Variants in TAF3 observed in about 807,000 individuals in gnomAD.
TAF3 encodes the protein TATA-box binding protein associated factor 3.
Under a neutral mutation model 80.6 loss-of-function variants are expected in TAF3, and 7 were observed. That is an observed-to-expected ratio of 0.09 (90% confidence interval 0.05 to 0.16). The LOEUF (loss-of-function observed/expected upper bound fraction) is 0.16. Among genes scored for constraint, TAF3 ranks in the 10% least tolerant of loss-of-function variants. The pLI, the probability that TAF3 is intolerant of heterozygous loss-of-function variation, is 1.00. For missense variants in TAF3, 921 were observed against 1,140.2 expected, an observed-to-expected ratio of 0.81 and a Z score of 2.77; for synonymous variants, 444 against 446.1, an observed-to-expected ratio of 1.00 and a Z score of 0.06.
intron 1 of TAF3, among the ~76,000 whole-genome samples, chr10:7,820,012 C>T (rs1278253206): frequency 6.6e-6 from 1 of 152,174 alleles, no homozygotes; most frequent in African/African-American, 2.4e-5. Flanking sequence ...ACACAGTTCC[C>T]TTTGTGAGCT....
chr10:7,931,111 A>G (rs1837865802), intron 2 of TAF3, among the ~76,000 whole-genome samples: 1 of 152,186 alleles, frequency 6.6e-6, no homozygotes. Context: ...TTTTTGCTTT[A>G]TTTAGATATT....
intron 2 of TAF3, among the ~76,000 whole-genome samples, chr10:7,893,725 C>G (rs1837479904): frequency 6.6e-6 from 1 of 152,168 alleles, no homozygotes; most frequent in Non-Finnish European, 1.5e-5. Flanking sequence ...CACCAAGGTT[C>G]CCTCTTTCCC....
chr10:8,002,772 G>A (rs1032968444), intron 4 of TAF3, among the ~76,000 whole-genome samples: 3 of 152,096 alleles, frequency 2.0e-5, no homozygotes, highest in African/African-American at 7.2e-5. Flanking sequence ...GTTATGCAGG[G>A]AGATAAATAT....
intron 3 of TAF3, among the ~76,000 whole-genome samples, 172 bp from the exon 4 acceptor site, chr10:7,977,069 A>G (rs2131419901): frequency 6.6e-6 from 1 of 152,352 alleles, no homozygotes; most frequent in South Asian, 2.1e-4. Context: ...TCATGATGCC[A>G]GGTAGCCTTC....
intron 5 of TAF3, among the ~76,000 whole-genome samples, chr10:8,012,616 TG>T (rs1194646559): frequency 1.3e-5 from 2 of 152,210 alleles, no homozygotes; most frequent in African/African-American, 4.8e-5. Context: ...GGGTGACTGC[TG>T]GTTCTCACCC....
chr10:7,871,435 C>CTGTTTTTTTTTTTTTTTTTTT (rs1837263856), intron 2 of TAF3, among the ~76,000 whole-genome samples: 2 of 69,116 alleles, frequency 2.9e-5, no homozygotes, highest in Non-Finnish European at 5.8e-5. Context: ...ATAACTGCTG[C>CTGTTTTTTTTTTTTTTTTTTT]TTTTTTTTTT....
intron 2 of TAF3, among the ~76,000 whole-genome samples, chr10:7,910,217 C>G (rs1194370105): frequency 6.6e-6 from 1 of 151,976 alleles, no homozygotes; most frequent in African/African-American, 2.4e-5. Context: ...ATACTGAGCA[C>G]TTAGTATTTG....
intron 4 of TAF3, among the ~76,000 whole-genome samples, chr10:7,983,684 ACAT>A (rs2131423673): frequency 6.6e-6 from 1 of 152,200 alleles, no homozygotes; most frequent in South Asian, 2.1e-4. Flanking sequence ...TAAAAGCTAA[ACAT>A]CATGAGCTGG....
At chr10:7,823,334 T>TAA (rs948457411) in intron 1 of TAF3, among the ~76,000 whole-genome samples, 1 of 135,802 alleles carries the variant, frequency 7.4e-6, no homozygotes, top group African/African-American at 2.7e-5. Context: ...ATTTGATGAT[T>TAA]AAAAAAAAAA....
chr10:7,896,739 C>A (rs1837507928), intron 2 of TAF3, among the ~76,000 whole-genome samples: 1 of 152,040 alleles, frequency 6.6e-6, no homozygotes, highest in South Asian at 2.1e-4. Flanking sequence ...GACAAATTAC[C>A]ACAAATTTAG....
intron 2 of TAF3, among the ~76,000 whole-genome samples, chr10:7,904,719 C>T (rs113035824): frequency 3.3e-4 from 50 of 152,202 alleles, no homozygotes; most frequent in African/African-American, 1.2e-3. Flanking sequence ...GTGTGCACAG[C>T]GTTGGCTTTC....
rs866945022 is a variant in TAF3, at chr10:8,016,158, G to A, written c.*1407G>A. 1.6e-4 allele frequency: 24 copies of A among 152,152 alleles called. No homozygotes were observed. The highest frequency in any genetic ancestry group is 3.9e-4 in the East Asian group (2 of 5,190). The allele number at this position is 152,152 out of a possible 1,614,324, so 9.4% of individuals were successfully genotyped here. A position where few individuals can be genotyped will look rare whatever the true frequency, so the allele number is the denominator to read the frequency against. ...ATTTTAGCAACTTTGGGATAAATAC[G>A]GACTTTTACTTGATTTTGAAATAAT... is the stretch of plus-strand genomic sequence containing the variant. On this transcript the variant is annotated 3_prime_UTR_variant, in exon 7 of 7. Coordinates refer to ENST00000344293, the MANE Select transcript of TAF3 (RefSeq NM_031923.4).
intron 4 of TAF3, among the ~76,000 whole-genome samples, chr10:7,998,645 C>T (rs2131433287): frequency 6.6e-6 from 1 of 152,092 alleles, no homozygotes; most frequent in East Asian, 1.9e-4. Context: ...TCGAGACCAG[C>T]CTGGCCAACA....
chr10:7,862,797 C>T (rs566557994), intron 2 of TAF3, among the ~76,000 whole-genome samples: 1 of 152,178 alleles, frequency 6.6e-6, no homozygotes, highest in East Asian at 1.9e-4. Context: ...GTTTTTTGGT[C>T]TGGCCTTTTT....
chr10:7,995,372 A>G (rs1831878198), intron 4 of TAF3, among the ~76,000 whole-genome samples: 1 of 152,244 alleles, frequency 6.6e-6, no homozygotes, highest in African/African-American at 2.4e-5. Context: ...AACAAAATAC[A>G]TTCAGAGAAG....
At chr10:8,005,569 C>T (rs1831983454) in intron 4 of TAF3, among the ~76,000 whole-genome samples, 1 of 152,182 alleles carries the variant, frequency 6.6e-6, no homozygotes, top group East Asian at 1.9e-4. Flanking sequence ...GACATTCGTC[C>T]TCTTCATCAT....
intron 2 of TAF3, among the ~76,000 whole-genome samples, chr10:7,922,480 A>G (rs1006364830): frequency 3.3e-5 from 5 of 152,108 alleles, no homozygotes; most frequent in Non-Finnish European, 2.9e-5. Flanking sequence ...AGATACCTCA[A>G]TATCTTTTTA....
intron 2 of TAF3, among the ~76,000 whole-genome samples, chr10:7,838,192 A>G (rs1327445655): frequency 6.6e-6 from 1 of 152,158 alleles, no homozygotes; most frequent in Non-Finnish European, 1.5e-5. Flanking sequence ...TGCTGTGTGT[A>G]TGGGTACCTG....
intron 3 of TAF3, among the ~76,000 whole-genome samples, chr10:7,977,036 A>G (rs545726057): frequency 6.6e-6 from 1 of 152,340 alleles, no homozygotes; most frequent in African/African-American, 2.4e-5. Context: ...TTTATATAGC[A>G]TGATTAAAGT....
Sources: gnomAD v4.1 joint callset for allele counts (sites outside exome capture counted in the v4.1 genomes callset) on GRCh38, gnomAD v4.1.1 for gene constraint, MANE v1.5 for transcripts, NCBI Gene and HGNC (gene_info 2026-07-23, HGNC 2026-07-21) for gene names.